Variants in GABPB1 observed in about 807,000 individuals in gnomAD.
The protein encoded by GABPB1 is GA binding protein transcription factor subunit beta 1, also known as GA-binding protein subunit beta-1.
A neutral mutation model predicts 45.9 loss-of-function variants in GABPB1; 15 were observed. The ratio of observed to expected loss-of-function variants is 0.33; its 90% CI spans 0.22 to 0.50. The LOEUF is 0.50. GABPB1 is among the 20% of genes least tolerant of loss of function. The pLI is 0.98. For synonymous variants in GABPB1, 143 were observed against 154.4 expected (o/e 0.93, Z 0.55); for missense variants, 252 against 457.5 (o/e 0.55, Z 4.10).
intron 1 of GABPB1, chr15:50,352,192 G>A (rs994895739): frequency 6.6e-6 from 1 of 152,020 alleles, no homozygotes; most frequent in Admixed American, 6.5e-5. Flanking sequence ...AATTCCTCAT[G>A]ACGTGCACTT....
chr15:50,318,396 A>G (rs1473885118), intron 1 of GABPB1, among the ~76,000 whole-genome samples: 4 of 152,156 alleles, frequency 2.6e-5, no homozygotes, highest in Admixed American at 6.6e-5. Context: ...CTCCATGCCC[A>G]TTTTACCTAA....
At chr15:50,307,203 C>T (rs906172307) in intron 2 of GABPB1, among the ~76,000 whole-genome samples, 1 of 152,146 alleles carries the variant, frequency 6.6e-6, no homozygotes, top group African/African-American at 2.4e-5. Context: ...AGAGTTCCCA[C>T]CATCTCCTCA....
intron 1 of GABPB1, among the ~76,000 whole-genome samples, chr15:50,317,638 G>A (rs1418083236): frequency 3.3e-5 from 5 of 151,438 alleles, no homozygotes; most frequent in African/African-American, 1.2e-4. Context: ...GGCTGGGCGC[G>A]GTGGCTCACG....
chr15:50,291,582 T>C (rs1405493554), intron 6 of GABPB1, among the ~76,000 whole-genome samples: 1 of 150,628 alleles, frequency 6.6e-6, no homozygotes, highest in Non-Finnish European at 1.5e-5. Context: ...TGCCTTGGCC[T>C]CCCAAAGTGC....
Position 50,300,836 on chromosome 15 carries a change from G to A in GABPB1, c.650C>T (p.Ala217Val). Residue 217 changes from alanine to valine, a missense_variant, in exon 6 of 9, where the codon GCC becomes GTC. This residue lies in a region of GABPB1 where 193 missense variants were observed against 259.9 expected (regional missense o/e 0.74). Transcript: ENST00000380877. ...CAATGGAGCAGATGCTTCAGCTAAG[G>A]CAGCTAATGTAGCTAATACTGATGT... ...SSTSVLATLA[A>V]LAEASAPLSN... The A allele has an allele frequency of 6.2e-7, 1 of 1,613,122 alleles. No homozygotes were observed. The highest frequency in any genetic ancestry group is 8.5e-7 in the Non-Finnish European group (1 of 1,179,156).
intron 1 of GABPB1, among the ~76,000 whole-genome samples, chr15:50,321,839 A>G (rs1162120242): frequency 7.9e-5 from 12 of 152,212 alleles, no homozygotes; most frequent in Admixed American, 7.2e-4. Context: ...AAATTTCACA[A>G]ACCCTAGGAA....
At chr15:50,353,570 T>C (rs888570893) in intron 1 of GABPB1, 1 of 149,064 alleles carries the variant, frequency 6.7e-6, no homozygotes, top group African/African-American at 2.6e-5. Context: ...ATTTATTTTT[T>C]GTTTTTGGAA....
At chr15:50,340,103 T>C (rs1278467961) in intron 1 of GABPB1, among the ~76,000 whole-genome samples, 1 of 152,174 alleles carries the variant, frequency 6.6e-6, no homozygotes, top group Non-Finnish European at 1.5e-5. Context: ...ATTTCATGGA[T>C]GGAATTATTG....
chr15:50,309,942 T>C (rs2047074199), intron 1 of GABPB1, 144 bp from the exon 2 acceptor site: 2 of 511,876 alleles, frequency 3.9e-6, no homozygotes, highest in Non-Finnish European at 6.9e-6. Context: ...AAATTACAGA[T>C]CATACAAAAG....
At chr15:50,346,441 C>CAG (rs2048581542) in intron 1 of GABPB1, 1 of 152,138 alleles carries the variant, frequency 6.6e-6, no homozygotes, top group South Asian at 2.1e-4. Flanking sequence ...AATCTGACAA[C>CAG]AGGAGTCCAG....
chr15:50,328,507 T>A (rs566250154), intron 1 of GABPB1, among the ~76,000 whole-genome samples: 8 of 152,338 alleles, frequency 5.3e-5, no homozygotes, highest in African/African-American at 1.9e-4. Context: ...AAATTCGGAT[T>A]TAATATTTTA....
At chr15:50,337,100 TATATATATATATATATATATATATATATA>T (rs200017567) in intron 1 of GABPB1, among the ~76,000 whole-genome samples, 8,853 of 19,908 alleles carry the variant, frequency 0.44, 1,284 homozygotes, top group African/African-American at 0.58. Context: ...TATATATATA[TATATATATATATATATATATATATATATA>T]ATATGAAGAG....
intron 7 of GABPB1, 30 bp downstream of exon 7, chr15:50,289,453 A>G (rs757660832): frequency 7.0e-7 from 1 of 1,426,482 alleles, no homozygotes; most frequent in South Asian, 1.4e-5. Context: ...AAAAAAACAT[A>G]CAAACTTTAT....
intron 4 of GABPB1, 21 bp from the exon 5 acceptor site, chr15:50,301,389 G>T: frequency 6.3e-7 from 1 of 1,599,932 alleles, no homozygotes; most frequent in Non-Finnish European, 8.5e-7. Context: ...AATGACCACA[G>T]TGTTTTCAGA....
chr15:50,305,239 G>A (rs1254996897), intron 2 of GABPB1, among the ~76,000 whole-genome samples: 1 of 152,098 alleles, frequency 6.6e-6, no homozygotes, highest in Non-Finnish European at 1.5e-5. Context: ...GTTATGAAGA[G>A]ATTAAGTGAG....
intron 1 of GABPB1, chr15:50,314,568 A>G (rs2047249355): frequency 6.6e-6 from 1 of 152,166 alleles, no homozygotes; most frequent in African/African-American, 2.4e-5. Flanking sequence ...GGCCCTTTGT[A>G]TGTTTATAGA....
chr15:50,339,305 G>A (rs1408657156), intron 1 of GABPB1, among the ~76,000 whole-genome samples: 1 of 151,828 alleles, frequency 6.6e-6, no homozygotes, highest in Non-Finnish European at 1.5e-5. Context: ...GCAACAAAGT[G>A]AGACTCCATC....
intron 7 of GABPB1, 71 bp downstream of exon 7, chr15:50,289,412 G>C: frequency 1.0e-6 from 1 of 954,352 alleles, no homozygotes; most frequent in Non-Finnish European, 1.5e-6. Context: ...TTGGACTGCA[G>C]GGAAGACTTA....
At chr15:50,282,576 CAG>C (rs2046020425) in intron 8 of GABPB1, among the ~76,000 whole-genome samples, 1 of 64,818 alleles carries the variant, frequency 1.5e-5, no homozygotes, top group Admixed American at 1.7e-4. Flanking sequence ...AAAAAAAAAA[CAG>C]AGACGGATGT....
Sources: gnomAD v4.1 joint callset for allele counts (sites outside exome capture counted in the v4.1 genomes callset) on GRCh38, gnomAD v4.1.1 for gene constraint, gnomAD v4.1.1 regional missense constraint, MANE v1.5 for transcripts, NCBI Gene and HGNC (gene_info 2026-07-23, HGNC 2026-07-21) for gene names.